PLEKHG4B: variants seen among roughly 807,000 people sequenced by gnomAD.
The protein encoded by PLEKHG4B is pleckstrin homology and RhoGEF domain containing G4B, also known as pleckstrin homology domain-containing family G member 4B.
In PLEKHG4B, 111 loss-of-function variants were observed where a neutral mutation model predicts 121.3. That is an observed-to-expected ratio of 0.92 (90% CI 0.78 to 1.07). PLEKHG4B has a LOEUF of 1.07. PLEKHG4B is among the 50% of genes least tolerant of loss of function. The pLI is 0.00. For synonymous variants in PLEKHG4B, 738 were observed against 725.0 expected (o/e 1.02, Z -0.29); for missense variants, 1,831 against 1,757.8 (o/e 1.04, Z -0.74).
At chr5:171,505 A>G (rs951912314) in intron 16 of PLEKHG4B, 61 bp downstream of exon 16, 17 of 1,440,562 alleles carry the variant, frequency 1.2e-5, no homozygotes, top group Non-Finnish European at 1.6e-5. Context: ...TGCTGGTGAG[A>G]AAGTCTTGGC....
At chr5:129,130 G>A (rs1244486779) in intron 2 of PLEKHG4B, among the ~76,000 whole-genome samples, 2 of 152,158 alleles carry the variant, frequency 1.3e-5, no homozygotes, top group African/African-American at 4.8e-5. Context: ...CTCTTGTGGA[G>A]GACATTTGCA....
intron 1 of PLEKHG4B, among the ~76,000 whole-genome samples, chr5:98,425 C>CTTTTTTTTTTTTTTTTTTTTTTT (rs55733931): frequency 2.1e-5 from 1 of 46,820 alleles, no homozygotes; most frequent in Non-Finnish European, 3.6e-5. Context: ...TTTACTGTAG[C>CTTTTTTTTTTTTTTTTTTTTTTT]TTTTTTTTTT....
chr5:113,586 C>T lies in PLEKHG4B; in HGVS notation c.243+138C>T, dbSNP rs1734221092. 2.5e-6 allele frequency: 1 copy of T among 397,906 alleles called. No homozygotes were observed. Among genetic ancestry groups the T allele is most frequent in the Admixed American group, 4.4e-5 (1 of 22,732 alleles). 24.6% of individuals were successfully genotyped at this position (397,906 alleles called of 1,614,324 possible). The stretch of plus-strand genomic sequence containing the variant: ...GGCTTCTGGCTCCTCCCACCCTCAT[C>T]CCAAATGAAGGGTCAAACAAGGCTG... On this transcript the variant is annotated intron_variant, in intron 2 of 19. Transcript: ENST00000637938. This position sits in a 1 kb window ranked among gnomAD's most constrained non-coding sequence, Gnocchi z 5.2.
chr5:170,981 G>A (rs1049553604), intron 14 of PLEKHG4B, 62 bp from the exon 15 acceptor site: 42 of 1,399,338 alleles, frequency 3.0e-5, no homozygotes, highest in Non-Finnish European at 3.5e-5. Context: ...CCCGGGCTGC[G>A]GGAGCCTGCT....
intron 2 of PLEKHG4B, among the ~76,000 whole-genome samples, chr5:114,274 C>T (rs371642792): frequency 1.3e-5 from 2 of 152,066 alleles, no homozygotes; most frequent in African/African-American, 2.4e-5. Flanking sequence ...CTTTTATGAA[C>T]GATTACTCCG....
At chr5:128,554 A>G (rs1734687546) in intron 2 of PLEKHG4B, among the ~76,000 whole-genome samples, 1 of 152,170 alleles carries the variant, frequency 6.6e-6, no homozygotes, top group Admixed American at 6.5e-5. Context: ...AAGCCGCTCC[A>G]GGAACACAGG....
In PLEKHG4B at chr5:137,959, A is replaced by G. The variant is rs1579274468; in HGVS notation, c.244-1524A>G. On this transcript the variant is annotated intron_variant, in intron 2 of 19. Transcript: ENST00000637938. The surrounding 1 kb of genome is among the most constrained non-coding windows in gnomAD (Gnocchi z 4.2). The stretch of plus-strand genomic sequence containing the variant: ...CTCGCAGCGTCTGGGGAGGGTGTCA[A>G]GGAGCCGCTTCTTGAACGGCTTGCT... Among the ~76,000 whole-genome samples the G allele has an allele frequency of 6.6e-6, 1 of 152,272 alleles. No homozygotes were observed. The highest frequency in any genetic ancestry group is 2.4e-5 in the African/African-American group (1 of 41,480).
At chr5:134,471 T>C (rs926497670) in intron 2 of PLEKHG4B, among the ~76,000 whole-genome samples, 1 of 151,318 alleles carries the variant, frequency 6.6e-6, no homozygotes, top group Non-Finnish European at 1.5e-5. Context: ...CTATTGAAAT[T>C]AAAAAAAATG....
Position 169,455 on chromosome 5 carries a change from C to T in PLEKHG4B, c.3592C>T (p.Gln1198Ter). The change falls in exon 14 of 20, where the codon CAG (glutamine) becomes TAG (stop). Residue 1198 changes from glutamine (Q) to a stop codon, truncating the protein, a stop_gained. Transcript: ENST00000637938. LOFTEE classifies it high-confidence loss of function. ...FPEMERMDLPQGLRGKHHVIF... is the reference protein window; with the variant it reads ...FPEMERMDLP Reference sequence around the variant, plus strand: ...AGAAATGGAAAGAATGGACTTGCCCCAGGGCCTTCGAGGGAAGCACCACGT... The same window carrying T: ...AGAAATGGAAAGAATGGACTTGCCCTAGGGCCTTCGAGGGAAGCACCACGT... The T allele has an allele frequency of 6.2e-7, 1 of 1,614,222 alleles. No homozygotes were observed. The highest frequency in any genetic ancestry group is 8.5e-7 in the Non-Finnish European group (1 of 1,180,050).
intron 11 of PLEKHG4B, among the ~76,000 whole-genome samples, chr5:158,604 C>T (rs1296052662): frequency 6.8e-6 from 1 of 147,948 alleles, no homozygotes; most frequent in Non-Finnish European, 1.5e-5. Context: ...CCTCCTCGTT[C>T]TACTCCGTCC....
chr5:127,419 C>T (rs62344114), intron 2 of PLEKHG4B, among the ~76,000 whole-genome samples: 27,112 of 148,964 alleles, frequency 0.18, 3,360 homozygotes, highest in African/African-American at 0.35. Context: ...GAGGTGTAAC[C>T]GTAAGGTCAT....
intron 2 of PLEKHG4B, among the ~76,000 whole-genome samples, chr5:129,735 G>T (rs946041333): frequency 7.2e-5 from 11 of 152,148 alleles, no homozygotes; most frequent in Non-Finnish European, 1.5e-4. Context: ...GCCTTCCCTA[G>T]CCCCCATCAA....
At position 184,812 on chromosome 5, in the gene PLEKHG4B, A is replaced by G. The variant is rs1481547186; in HGVS notation, c.*2489A>G. On this transcript the variant is annotated 3_prime_UTR_variant, in exon 20 of 20. Transcript: ENST00000637938. ...TGAGGCCAGAGGATCACTTGACTTG[A>G]GCCCAGGAACTGGGGGGTCATGCTG... The G allele has an allele frequency of 6.6e-6, 1 of 152,100 alleles. No homozygotes were observed. The highest frequency in any genetic ancestry group is 1.5e-5 in the Non-Finnish European group (1 of 68,000). 9.4% of individuals were successfully genotyped at this position (152,100 alleles called of 1,614,324 possible). A position where few individuals can be genotyped will look rare whatever the true frequency, so the allele number is the denominator to read the frequency against.
At chr5:161,659 AG>A in intron 11 of PLEKHG4B, 123 bp from the exon 12 acceptor site, 1 of 1,199,892 alleles carries the variant, frequency 8.3e-7, no homozygotes, top group Non-Finnish European at 1.2e-6. Flanking sequence ...GAGAGGCAGC[AG>A]CAGGCAGCAC....
At chr5:100,563 G>A in intron 1 of PLEKHG4B, among the ~76,000 whole-genome samples, 4 of 42,360 alleles carry the variant, frequency 9.4e-5, no homozygotes, top group African/African-American at 6.7e-4. Context: ...AAAGCCTGTA[G>A]GGGAGAGACT....
At chr5:164,051 G>A (rs1224672829) in intron 13 of PLEKHG4B, among the ~76,000 whole-genome samples, 3 of 152,246 alleles carry the variant, frequency 2.0e-5, no homozygotes, top group Admixed American at 6.5e-5. Context: ...TGCCTAGGCC[G>A]GATGCCGTCT....
chr5:133,103 T>A (rs1343735162), intron 2 of PLEKHG4B, among the ~76,000 whole-genome samples: 1 of 152,218 alleles, frequency 6.6e-6, no homozygotes, highest in Non-Finnish European at 1.5e-5. Context: ...TAGAGGTCTT[T>A]CACCTCCTTG....
At position 171,028 on chromosome 5, in the gene PLEKHG4B, C is replaced by T. The variant is rs1736526419; in HGVS notation, c.3730-15C>T. On this transcript the variant is annotated splice_polypyrimidine_tract_variant and intron_variant, in intron 14 of 19. Transcript: ENST00000637938. Reference sequence around the variant, plus strand: ...TGTCACTCCCACAGCCAAGCAGTCGCCTCTGCTTTTCCAGGAAGAGCAGTT... The same window carrying T: ...TGTCACTCCCACAGCCAAGCAGTCGTCTCTGCTTTTCCAGGAAGAGCAGTT... 1 of 1,602,330 alleles carries T rather than the reference C, an allele frequency of 6.2e-7. No individual in the cohort carries two copies. Among genetic ancestry groups the T allele is most frequent in the African/African-American group, 1.3e-5 (1 of 74,732 alleles).
At chr5:164,530 G>GGCAGGGGGCGGAGCTCAC (rs1736182933) in intron 13 of PLEKHG4B, among the ~76,000 whole-genome samples, 4 of 97,310 alleles carry the variant, frequency 4.1e-5, no homozygotes, top group African/African-American at 1.5e-4. Flanking sequence ...GTAATGCTGT[G>GGCAGGGGGCGGAGCTCAC]ACAGGGGGCG....
Sources: gnomAD v4.1 joint callset for allele counts (sites outside exome capture counted in the v4.1 genomes callset) on GRCh38, gnomAD v4.1.1 for gene constraint, Gnocchi (gnomAD v3.1) non-coding constraint, MANE v1.5 for transcripts, NCBI Gene and HGNC (gene_info 2026-07-23, HGNC 2026-07-21) for gene names.